The following CEP104 variants were observed in gnomAD, a reference collection of about 807,000 sequenced individuals.
CEP104 encodes centrosomal protein 104.
A neutral mutation model predicts 113.3 loss-of-function variants in CEP104; 84 were observed. That is an observed-to-expected ratio of 0.74 (90% CI 0.62 to 0.89). The LOEUF (loss-of-function observed/expected upper bound fraction) is 0.89. Among genes scored for constraint, CEP104 ranks in the 40% least tolerant of loss-of-function variants. The pLI, the probability that CEP104 is intolerant of heterozygous loss-of-function variation, is 0.00. For synonymous variants in CEP104, 378 were observed against 421.7 expected (o/e 0.90, Z 1.27); for missense variants, 1,053 against 1,156.6 (o/e 0.91, Z 1.30).
Position 3,829,822 on chromosome 1 carries a change from A to G in CEP104, c.2012T>C (p.Ile671Thr), listed in dbSNP as rs773741749. 2 of 1,614,190 alleles carry G rather than the reference A, an allele frequency of 1.2e-6. No individual in the cohort carries two copies. The highest frequency in any genetic ancestry group is 1.7e-6 in the Non-Finnish European group (2 of 1,180,036). Residue 671 changes from isoleucine (I) to threonine (T), a missense_variant, in exon 14 of 22, where the codon ATA (isoleucine) becomes ACA (threonine). By Grantham distance (89) the Ile-to-Thr change is moderately conservative. Coordinates refer to ENST00000378230, the MANE Select transcript of CEP104 (RefSeq NM_014704.4). Reference protein sequence around the residue: ...YKTIFEGFAKIDGRATDAEMR... With the variant: ...YKTIFEGFAKTDGRATDAEMR... The stretch of plus-strand genomic sequence containing the variant: ...CTCAGCATCTGTAGCTCTGCCATCT[A>G]TTTTAGCAAATCCCTCAAAAATTGT...
intron 9 of CEP104, 73 bp downstream of exon 9, chr1:3,837,219 G>T: frequency 1.6e-6 from 2 of 1,273,438 alleles, no homozygotes; most frequent in Non-Finnish European, 2.2e-6. Flanking sequence ...CATGGGAACA[G>T]CACCTGGCAC....
In CEP104 at chr1:3,815,203, C is replaced by T. The variant is rs936769479; in HGVS notation, c.*199G>A. ...AGTGCGGCCAGGTCCTGGCACTGCA[C>T]GCAGGATCTTTGGTTAGCTGCATCC... On this transcript the variant is annotated 3_prime_UTR_variant, in exon 22 of 22. Coordinates refer to ENST00000378230, the MANE Select transcript of CEP104 (RefSeq NM_014704.4). 8.1e-5 allele frequency: 47 copies of T among 582,904 alleles called. No individual in the cohort carries two copies. Among genetic ancestry groups the T allele is most frequent in the African/African-American group, 9.4e-5 (5 of 53,296 alleles). The allele number at this position is 582,904 out of a possible 1,614,324, so 36.1% of individuals were successfully genotyped here. A position where few individuals can be genotyped will look rare whatever the true frequency, so the allele number is the denominator to read the frequency against.
chr1:3,820,687 G>T (rs1032386987), intron 20 of CEP104, among the ~76,000 whole-genome samples: 2 of 152,218 alleles, frequency 1.3e-5, no homozygotes, highest in African/African-American at 2.4e-5. Flanking sequence ...CTGCTAGCCA[G>T]GGCTCACCCA....
intron 6 of CEP104, among the ~76,000 whole-genome samples, chr1:3,841,318 C>T (rs61322385): frequency 0.036 from 5,473 of 152,250 alleles, 360 homozygotes; most frequent in African/African-American, 0.12. Context: ...CTTGAGGTCA[C>T]GGTACTTCGC....
intron 6 of CEP104, chr1:3,843,094 AC>A: frequency 1.7e-6 from 1 of 588,442 alleles, no homozygotes; most frequent in South Asian, 2.0e-5. Context: ...AGCCTAAAAA[AC>A]ATTTCAATTC....
chr1:3,842,678 C>T (rs183614660), intron 6 of CEP104, among the ~76,000 whole-genome samples: 74 of 152,332 alleles, frequency 4.9e-4, no homozygotes, highest in African/African-American at 1.8e-3. Flanking sequence ...ACACCAAACA[C>T]GGACAAATTT....
chr1:3,848,057 A>T (rs562211645), intron 3 of CEP104, among the ~76,000 whole-genome samples: 3 of 152,122 alleles, frequency 2.0e-5, no homozygotes, highest in Non-Finnish European at 4.4e-5. Flanking sequence ...TTGGTCATCT[A>T]ATTAGCATTC....
chr1:3,854,938 C>T (rs556917532), intron 1 of CEP104, among the ~76,000 whole-genome samples: 64 of 144,430 alleles, frequency 4.4e-4, no homozygotes, highest in African/African-American at 1.5e-3. Flanking sequence ...GTGGCGTGAT[C>T]GCGGCTCACT....
chr1:3,843,485 G>A (rs1644451856), intron 6 of CEP104, among the ~76,000 whole-genome samples: 1 of 149,434 alleles, frequency 6.7e-6, no homozygotes, highest in Non-Finnish European at 1.5e-5. Flanking sequence ...CTGAGTAGTT[G>A]AGACTACAAG....
At chr1:3,836,779 G>T in intron 9 of CEP104, 87 bp from the exon 10 acceptor site, 2 of 1,139,098 alleles carry the variant, frequency 1.8e-6, no homozygotes, top group Non-Finnish European at 1.3e-6. Flanking sequence ...GGCTTACTGC[G>T]CTTACTTACC....
In CEP104 at chr1:3,823,023, GACAGGGCTCACTAGACGC is replaced by G. The variant is rs1335918652; in HGVS notation, c.2571+133_2571+150del. On this transcript the variant is annotated intron_variant, in intron 20 of 21. Coordinates refer to ENST00000378230, the MANE Select transcript of CEP104 (RefSeq NM_014704.4). The surrounding 1 kb of genome is among the most constrained non-coding windows in gnomAD (Gnocchi z 4.1). Reference sequence around the variant, plus strand: ...CGTAGGTAAACGGAACGACTGCTCAGACAGGGCTCACTAGACGCTGTCCCCTCCCTGAACACTCATGTA... The same window carrying G: ...CGTAGGTAAACGGAACGACTGCTCAGTGTCCCCTCCCTGAACACTCATGTA... 1.4e-6 allele frequency: 1 copy of G among 692,206 alleles called. No individual in the cohort carries two copies. The highest frequency in any genetic ancestry group is 2.5e-5 in the East Asian group (1 of 40,058). 42.9% of individuals were successfully genotyped at this position (692,206 alleles called of 1,614,324 possible). A position where few individuals can be genotyped will look rare whatever the true frequency, so the allele number is the denominator to read the frequency against.
At position 3,839,733 on chromosome 1, in the gene CEP104, T is replaced by C. The variant is rs762995806; in HGVS notation, c.610A>G (p.Met204Val). 9.9e-6 allele frequency: 16 copies of C among 1,613,376 alleles called. No homozygotes were observed. Among genetic ancestry groups the C allele is most frequent in the Non-Finnish European group, 1.2e-5 (14 of 1,179,840 alleles). Residue 204 changes from methionine (M) to valine (V), a missense_variant, in exon 7 of 22, where the codon ATG (methionine) becomes GTG (valine). By Grantham distance (21) the Met-to-Val change is conservative (BLOSUM62 1). Coordinates refer to ENST00000378230, the MANE Select transcript of CEP104 (RefSeq NM_014704.4). Reference protein sequence around the residue: ...ISPLDDLAFDMYQDPEVAQII... With the variant: ...ISPLDDLAFDVYQDPEVAQII... ...TGTGCAACTTCTGGATCTTGGTACA[T>C]ATCAAAAGCTAAGTCATCTAGCGGA...
At chr1:3,848,392 C>A (rs927170249) in intron 3 of CEP104, among the ~76,000 whole-genome samples, 1 of 151,802 alleles carries the variant, frequency 6.6e-6, no homozygotes, top group Non-Finnish European at 1.5e-5. Flanking sequence ...ATTAGCCGGG[C>A]GTGATGGCGG....
chr1:3,834,391 T>C (rs895529053), intron 11 of CEP104, among the ~76,000 whole-genome samples: 3 of 150,752 alleles, frequency 2.0e-5, no homozygotes, highest in African/African-American at 7.3e-5. Context: ...CTAACAACCC[T>C]GCTTCAATGG....
intron 12 of CEP104, among the ~76,000 whole-genome samples, chr1:3,832,987 CTTT>C (rs70940330): frequency 8.1e-4 from 113 of 140,242 alleles, no homozygotes; most frequent in African/African-American, 1.4e-3. Flanking sequence ...GGCCTGGATT[CTTT>C]TTTTTTTTTT....
intron 1 of CEP104, among the ~76,000 whole-genome samples, chr1:3,854,350 A>G (rs11576900): frequency 0.2 from 31,080 of 152,020 alleles, 3,535 homozygotes; most frequent in Non-Finnish European, 0.25. Context: ...CCATCTAGGG[A>G]TCAATGCGCC....
intron 3 of CEP104, among the ~76,000 whole-genome samples, chr1:3,848,096 G>C (rs1345216439): frequency 6.6e-6 from 1 of 152,124 alleles, no homozygotes; most frequent in African/African-American, 2.4e-5. Context: ...CTGAAAAGTA[G>C]AGTTGAATAG....
At chr1:3,825,411 C>A (rs1187686408) in intron 18 of CEP104, among the ~76,000 whole-genome samples, 1 of 152,190 alleles carries the variant, frequency 6.6e-6, no homozygotes, top group Non-Finnish European at 1.5e-5. Context: ...TCCATTCAAG[C>A]AGTGGACACT....
At chr1:3,843,187 C>T (rs1420213224) in intron 6 of CEP104, 1 of 710,758 alleles carries the variant, frequency 1.4e-6, no homozygotes, top group Non-Finnish European at 2.6e-6. Flanking sequence ...GGAGTCCCCT[C>T]ATTGTCATCC....
Sources: gnomAD v4.1 joint callset for allele counts (sites outside exome capture counted in the v4.1 genomes callset) on GRCh38, gnomAD v4.1.1 for gene constraint, Gnocchi (gnomAD v3.1) non-coding constraint, MANE v1.5 for transcripts, NCBI Gene and HGNC (gene_info 2026-07-23, HGNC 2026-07-21) for gene names.